The following C8orf34 variants were observed in gnomAD, a reference collection of about 807,000 sequenced individuals.
The protein encoded by C8orf34 is chromosome 8 open reading frame 34, also known as uncharacterized protein C8orf34.
A neutral mutation model predicts 68.3 loss-of-function variants in C8orf34; 65 were observed. That is an observed-to-expected ratio of 0.95 (90% CI 0.78 to 1.17). The LOEUF (loss-of-function observed/expected upper bound fraction) is 1.17. C8orf34 is among the 50% of genes most tolerant of loss of function. The pLI, the probability that C8orf34 is intolerant of heterozygous loss-of-function variation, is 0.00. For missense variants in C8orf34, 664 were observed against 655.4 expected (o/e 1.01, Z -0.14); for synonymous variants, 244 against 241.2 (o/e 1.01, Z -0.11).
chr8:68,720,192 A>G (rs1172592975), intron 9 of C8orf34, among the ~76,000 whole-genome samples: 2 of 152,002 alleles, frequency 1.3e-5, no homozygotes, highest in Admixed American at 6.6e-5. Flanking sequence ...TCTCTCCCGA[A>G]GTCAGTTTTA....
chr8:68,702,653 T>C (rs779028842), intron 8 of C8orf34, among the ~76,000 whole-genome samples: 1 of 152,154 alleles, frequency 6.6e-6, no homozygotes, highest in African/African-American at 2.4e-5. Context: ...GAAATCTGAA[T>C]GCCATTCCAG....
chr8:68,650,057 G>GA (rs61398342), intron 8 of C8orf34, among the ~76,000 whole-genome samples: 104,344 of 149,698 alleles, frequency 0.7, 36,620 homozygotes, highest in East Asian at 0.84. Context: ...GTATATTTTA[G>GA]AAAAAAAAAA....
chr8:68,552,047 GA>G (rs2130064092), intron 7 of C8orf34, among the ~76,000 whole-genome samples: 1 of 152,156 alleles, frequency 6.6e-6, no homozygotes, highest in African/African-American at 2.4e-5. Flanking sequence ...ATACATGTTT[GA>G]GTTTATTTCT....
chr8:68,605,076 C>A (rs1203842921), intron 7 of C8orf34, among the ~76,000 whole-genome samples: 2 of 152,068 alleles, frequency 1.3e-5, no homozygotes, highest in African/African-American at 2.4e-5. Flanking sequence ...CCAAGGAAGA[C>A]ATACAGATAG....
intron 9 of C8orf34, among the ~76,000 whole-genome samples, chr8:68,716,803 T>A (rs1563627126): frequency 6.6e-6 from 1 of 151,998 alleles, no homozygotes; most frequent in Non-Finnish European, 1.5e-5. Flanking sequence ...AAGTATCATA[T>A]AGCATGAAAT....
intron 10 of C8orf34, among the ~76,000 whole-genome samples, chr8:68,758,010 G>C (rs914085295): frequency 5.3e-5 from 8 of 152,230 alleles, no homozygotes; most frequent in Admixed American, 3.3e-4. Flanking sequence ...TCTTGGATTG[G>C]AATAGCCCAA....
At chr8:68,463,727 G>GA (rs1047882195) in intron 3 of C8orf34, among the ~76,000 whole-genome samples, 1 of 152,160 alleles carries the variant, frequency 6.6e-6, no homozygotes, top group African/African-American at 2.4e-5. Context: ...AAAGGCCTTT[G>GA]AAAAAATTCA....
intron 1 of C8orf34, among the ~76,000 whole-genome samples, chr8:68,362,754 C>G (rs1162806905): frequency 6.6e-6 from 1 of 151,606 alleles, no homozygotes; most frequent in African/African-American, 2.4e-5. Context: ...ACATCACCAT[C>G]ATCAAAGACC....
chr8:68,542,061 C>T (rs1206788959), intron 7 of C8orf34, among the ~76,000 whole-genome samples: 1 of 152,096 alleles, frequency 6.6e-6, no homozygotes, highest in Non-Finnish European at 1.5e-5. Flanking sequence ...ATTACTTTTG[C>T]ACCAACCTAA....
chr8:68,799,827 C>G (rs1274933934), intron 12 of C8orf34, among the ~76,000 whole-genome samples: 1 of 152,016 alleles, frequency 6.6e-6, no homozygotes, highest in Non-Finnish European at 1.5e-5. Context: ...AGTAGAAACA[C>G]GAGATTGGAG....
chr8:68,469,175 G>A (rs1029584601), intron 4 of C8orf34, among the ~76,000 whole-genome samples: 2 of 151,930 alleles, frequency 1.3e-5, no homozygotes, highest in African/African-American at 4.8e-5. Flanking sequence ...CATACCCATT[G>A]CCTCTGTGAG....
intron 4 of C8orf34, among the ~76,000 whole-genome samples, chr8:68,487,259 C>A (rs1450030454): frequency 1.3e-5 from 2 of 152,082 alleles, no homozygotes; most frequent in Admixed American, 1.3e-4. Context: ...GAAAGGACCC[C>A]TATCCCTGCA....
chr8:68,556,294 CTTTTTT>C (rs201095460), intron 7 of C8orf34, among the ~76,000 whole-genome samples: 23 of 105,850 alleles, frequency 2.2e-4, no homozygotes, highest in African/African-American at 6.7e-4. Flanking sequence ...AGGAGGGAAT[CTTTTTT>C]TTTTTTTTTT....
intron 7 of C8orf34, among the ~76,000 whole-genome samples, chr8:68,605,341 G>A (rs538590909): frequency 1.1e-4 from 16 of 151,928 alleles, no homozygotes; most frequent in African/African-American, 1.4e-4. Flanking sequence ...CATATAATTC[G>A]GCAATTGCAC....
intron 1 of C8orf34, among the ~76,000 whole-genome samples, chr8:68,408,427 G>A (rs1236399509): frequency 6.6e-6 from 1 of 152,052 alleles, no homozygotes; most frequent in Non-Finnish European, 1.5e-5. Context: ...TGGAAAAATT[G>A]TCTTCTGCAA....
chr8:68,658,540 A>C (rs1407673735), intron 8 of C8orf34, among the ~76,000 whole-genome samples: 1 of 152,210 alleles, frequency 6.6e-6, no homozygotes, highest in Non-Finnish European at 1.5e-5. Flanking sequence ...ACTCATAGCT[A>C]TTCTATTTTT....
chr8:68,340,251 C>T (rs1167987045), intron 1 of C8orf34, among the ~76,000 whole-genome samples: 3 of 152,028 alleles, frequency 2.0e-5, no homozygotes, highest in Middle Eastern at 3.4e-3. Flanking sequence ...TGGATTGATA[C>T]GTTATTGGAT....
intron 3 of C8orf34, among the ~76,000 whole-genome samples, chr8:68,457,835 C>G (rs1174678178): frequency 4.6e-5 from 7 of 152,066 alleles, no homozygotes; most frequent in Admixed American, 3.9e-4. Flanking sequence ...TGACACTGTT[C>G]TTCTATTTTT....
intron 8 of C8orf34, among the ~76,000 whole-genome samples, chr8:68,659,813 C>T (rs184867943): frequency 6.6e-6 from 1 of 152,072 alleles, no homozygotes; most frequent in Non-Finnish European, 1.5e-5. Context: ...TCCTCTATTC[C>T]AATGTTACAA....
Sources: allele counts gnomAD v4.1 joint callset (sites outside exome capture counted in the v4.1 genomes callset), GRCh38; gene constraint gnomAD v4.1.1; transcripts MANE v1.5; gene names NCBI Gene and HGNC (gene_info 2026-07-23, HGNC 2026-07-21).